Variants in TTN observed in about 807,000 individuals in gnomAD.
The protein encoded by TTN is connectin.
In TTN, 1,525 loss-of-function variants were observed where a neutral mutation model predicts 3,223.0. The observed-to-expected ratio is 0.47, with a 90% confidence interval of 0.45 to 0.49. TTN has a LOEUF of 0.49. TTN is among the 20% of genes least tolerant of loss of function. TTN has a pLI of 0.00. For missense variants in TTN, 40,786 were observed against 43,424.0 expected, an observed-to-expected ratio of 0.94 and a Z score of 5.40; for synonymous variants, 14,094 against 15,161.0, an observed-to-expected ratio of 0.93 and a Z score of 5.17.
Position 178,721,056 on chromosome 2 carries a change from A to T in TTN, c.22963T>A (p.Tyr7655Asn). Residue 7655 changes from tyrosine (Y) to asparagine (N), a missense_variant, in exon 79 of 363, where the codon TAC (tyrosine) becomes AAC (asparagine). Tyr to Asn is a moderately radical substitution (Grantham distance 143). Transcript: ENST00000589042. ...NDSELHESWK[Y>N]NMSFINSVAL... is the part of the protein sequence containing the mutation. ...ACAGAATTAATGAATGACATGTTGT[A>T]TTTCCAACTTTCATGAAGTTCGCTG... The T allele has an allele frequency of 1.2e-6, 2 of 1,613,344 alleles. No homozygotes were observed. Among genetic ancestry groups the T allele is most frequent in the Non-Finnish European group, 1.7e-6 (2 of 1,179,394 alleles).
At position 178,549,702 on chromosome 2, in the gene TTN, A is replaced by G. The variant is rs758335817; in HGVS notation, c.92020T>C (p.Cys30674Arg). Residue 30674 changes from cysteine to arginine, a missense_variant, in exon 338 of 363, where the codon TGT becomes CGT. Coordinates refer to ENST00000589042, the MANE Select transcript of TTN (RefSeq NM_001267550.2). ...ATGGCAGTGTAACTTTGGGCTTCAC[A>G]TTTATCCTCAATTAGTGCCCAGGCA... is the stretch of plus-strand genomic sequence containing the variant. ...RLAWALIEDKCEAQSYTAIKL... is the reference protein window; with the variant it reads ...RLAWALIEDKREAQSYTAIKL... 3 of 1,613,618 alleles carry G rather than the reference A, an allele frequency of 1.9e-6. No homozygotes were observed. The highest frequency in any genetic ancestry group is 1.7e-5 in the Admixed American group (1 of 59,984).
chr2:178,646,419 A>T (rs1227101025), intron 216 of TTN, 66 bp downstream of exon 216: 4 of 1,130,296 alleles, frequency 3.5e-6, no homozygotes, highest in Non-Finnish European at 5.2e-6. Flanking sequence ...GTACAACAAC[A>T]TAAACCATAT....
In TTN at chr2:178,794,415, T is replaced by A. The variant is rs1461182568; in HGVS notation, c.1382A>T (p.Gln461Leu). ...QRTTTTAVHIQPAQEQVRKEA... is the reference protein window; with the variant it reads ...QRTTTTAVHILPAQEQVRKEA... ...CGCACGTACCTGTTCTTGAGCAGGTTGGATGTGCACAGCAGTCGTGGTTGT... is the reference window on the plus strand; with the variant it reads ...CGCACGTACCTGTTCTTGAGCAGGTAGGATGTGCACAGCAGTCGTGGTTGT... Residue 461 changes from glutamine to leucine, a missense_variant, in exon 8 of 363, where the codon CAA becomes CTA. Transcript: ENST00000589042. 3.7e-6 allele frequency: 6 copies of A among 1,614,058 alleles called. No homozygotes were observed. In the South Asian group the frequency reaches 6.6e-5, roughly 18 times the overall value.
At chr2:178,554,422 G>GGA (rs1391753391) in intron 332 of TTN, 31 bp downstream of exon 332, 1 of 1,597,522 alleles carries the variant, frequency 6.3e-7, no homozygotes, top group African/African-American at 1.3e-5. Flanking sequence ...AATTTTTCAC[G>GGA]TTTCAGTTTT....
intron 70 of TTN, 54 bp downstream of exon 70, chr2:178,725,714 A>G: frequency 6.5e-7 from 1 of 1,548,730 alleles, no homozygotes; most frequent in Non-Finnish European, 8.7e-7. Context: ...GAGTGAAAAA[A>G]GTAGGATTTT....
At position 178,631,294 on chromosome 2, in the gene TTN, T is replaced by C; in HGVS notation, c.43754A>G (p.Asp14585Gly). The C allele has an allele frequency of 6.2e-7, 1 of 1,606,582 alleles. No homozygotes were observed. Among genetic ancestry groups the C allele is most frequent in the Non-Finnish European group, 8.5e-7 (1 of 1,177,596 alleles). Residue 14585 changes from aspartate (D) to glycine (G), a missense_variant, in exon 237 of 363, where the codon GAC becomes GGC. Physicochemically the swap from Asp to Gly is moderately conservative, Grantham distance 94 (BLOSUM62 -1). Coordinates refer to ENST00000589042, the MANE Select transcript of TTN (RefSeq NM_001267550.2). ...TTGAAGTTTTCCTGTAAAATATGGG[T>C]CTCCCTCTGCAAGTAAAGTATAAGT... ...SEAKLTVLEGDPYFTGKLQDY... is the reference protein window; with the variant it reads ...SEAKLTVLEGGPYFTGKLQDY...
intron 48 of TTN, 61 bp downstream of exon 48, chr2:178,739,080 G>C: frequency 2.7e-6 from 4 of 1,461,834 alleles, no homozygotes; most frequent in Non-Finnish European, 3.6e-6. Flanking sequence ...AGTGATGCAA[G>C]CTAAATCATT....
At position 178,590,791 on chromosome 2, in the gene TTN, C is replaced by T. The variant is rs759127797; in HGVS notation, c.60934G>A (p.Glu20312Lys). The T allele has an allele frequency of 4.4e-6, 7 of 1,607,180 alleles. No homozygotes were observed. The highest frequency in any genetic ancestry group is 2.7e-5 in the African/African-American group (2 of 74,788). Residue 20312 changes from glutamate (E) to lysine (K), a missense_variant, in exon 304 of 363, where the codon GAA (glutamate) becomes AAA (lysine). Transcript: ENST00000589042. ...PITGYYMERR[E>K]VTGKWVRVNK... ...ACCCTCACCCATTTGCCAGTTACTT[C>T]TCGACGTTCCATATAGTAGCCAGTT...
intron 47 of TTN, chr2:178,750,520 A>G: frequency 6.2e-7 from 1 of 1,612,732 alleles, no homozygotes; most frequent in Admixed American, 1.7e-5. Context: ...CAAAATTACA[A>G]CTGTCACCTT....
Position 178,680,450 on chromosome 2 carries a change from C to T in TTN, c.33341-119G>A, listed in dbSNP as rs144376839. ...ATCTTCCTTTAATGAGATACATATG[C>T]GATTGTTCATCTTTAAGAAACTATA... is the stretch of plus-strand genomic sequence containing the variant. On this transcript the variant is annotated intron_variant, in intron 138 of 362. Transcript: ENST00000589042. 1,424 of 811,846 alleles carry T rather than the reference C, an allele frequency of 1.8e-3. 13 individuals are homozygous for T. The highest frequency in any genetic ancestry group is 6.8e-3 in the South Asian group (429 of 63,412). 50.3% of individuals were successfully genotyped at this position (811,846 alleles called of 1,614,324 possible).
chr2:178,600,897 C>T lies in TTN; in HGVS notation c.56007G>A (p.Lys18669=). The T allele has an allele frequency of 6.2e-7, 1 of 1,612,890 alleles. No homozygotes were observed. The change falls in exon 288 of 363, where the codon AAG becomes AAA. Residue 18669 remains lysine, a synonymous_variant. Coordinates refer to ENST00000589042, the MANE Select transcript of TTN (RefSeq NM_001267550.2). ...VKAVNAAGVS[K]PSATVGPVTV... ...TCACAGGGCCAACAGTGGCTGAAGG[C>T]TTGCTGACTCCTGCAGCATTGACAG...
intron 46 of TTN, among the ~76,000 whole-genome samples, chr2:178,754,198 G>T (rs1221696556): frequency 1.3e-5 from 2 of 151,946 alleles, no homozygotes; most frequent in African/African-American, 4.8e-5. Context: ...AAGACTTCCA[G>T]GGGTTTGACA....
rs1023194746 is a variant in TTN at position 178,646,406 on chromosome 2, T to C, written c.40297+79A>G. ...TACAAATGGGAACAGACATACTACA[T>C]ATGTACAACAACATAAACCATATAC... On this transcript the variant is annotated intron_variant, in intron 216 of 362. Transcript: ENST00000589042. 8 of 968,960 alleles carry C rather than the reference T, an allele frequency of 8.3e-6. No individual in the cohort carries two copies. The African/African-American group carries it at 1.2e-4, about 14-fold the overall frequency. The allele number at this position is 968,960 out of a possible 1,614,324, so 60.0% of individuals were successfully genotyped here.
rs781046518 is a variant in TTN at position 178,571,943 on chromosome 2, C to T, written c.74189G>A (p.Gly24730Asp). 6.8e-6 allele frequency: 11 copies of T among 1,613,112 alleles called. No individual in the cohort carries two copies. The highest frequency in any genetic ancestry group is 6.7e-5 in the Admixed American group (4 of 59,952). Residue 24730 changes from glycine (G) to aspartate (D), a missense_variant, in exon 326 of 363, where the codon GGT becomes GAT. By Grantham distance (94) the Gly-to-Asp change is moderately conservative. Transcript: ENST00000589042. Reference sequence around the variant, plus strand: ...TGGAACATCAACTTTTAGGTCTTCACCTGCCAGTACAGTGAAAGTATTGAA... The same window carrying T: ...TGGAACATCAACTTTTAGGTCTTCATCTGCCAGTACAGTGAAAGTATTGAA... ...LLFNTFTVLA[G>D]EDLKVDVPFI...
At chr2:178,629,794 G>A (rs1259741110) in intron 239 of TTN, among the ~76,000 whole-genome samples, 1 of 152,068 alleles carries the variant, frequency 6.6e-6, no homozygotes, top group Non-Finnish European at 1.5e-5. Flanking sequence ...TCAATCAGAG[G>A]CTGTCCCTAT....
chr2:178,642,668 A>G (rs1231014529), intron 218 of TTN, among the ~76,000 whole-genome samples: 1 of 151,982 alleles, frequency 6.6e-6, no homozygotes, highest in African/African-American at 2.4e-5. Context: ...GTCCAAATCT[A>G]CGATGTTATC....
In TTN at chr2:178,775,861, G is replaced by C. The variant is rs1483448799; in HGVS notation, c.6003C>G (p.Phe2001Leu). 8.1e-6 allele frequency: 13 copies of C among 1,614,096 alleles called. No individual in the cohort carries two copies. The Middle Eastern group carries it at 4.9e-4, about 61-fold the overall frequency. The change falls in exon 28 of 363, where the codon TTC (phenylalanine) becomes TTG (leucine). Residue 2001 changes from phenylalanine (F) to leucine (L), a missense_variant. Transcript: ENST00000589042. ...AATAGCCCTCTTCTGTTCTGCGCTT[G>C]AATTTACTGCGCAGCTCTTCCGACT... Reference protein sequence around the residue: ...PEESEELRSKFKRRTEEGYYE... With the variant: ...PEESEELRSKLKRRTEEGYYE...
chr2:178,543,171 T>G lies in TTN; in HGVS notation c.96802A>C (p.Asn32268His). Reference sequence around the variant, plus strand: ...CTAAATAAGTATTGTTCACCTTCATTTAAGGAAGTAACAGTGTGCTCTAGG... The same window carrying G: ...CTAAATAAGTATTGTTCACCTTCATGTAAGGAAGTAACAGTGTGCTCTAGG... ...TVLEHTVTSL[N>H]EGEQYLFRIR... Residue 32268 changes from asparagine (N) to histidine (H), a missense_variant, in exon 347 of 363, where the codon AAT (asparagine) becomes CAT (histidine). Asn to His is a moderately conservative substitution (Grantham distance 68). Transcript: ENST00000589042. The G allele has an allele frequency of 1.2e-6, 2 of 1,613,510 alleles. No homozygotes were observed. Among genetic ancestry groups the G allele is most frequent in the Non-Finnish European group, 1.7e-6 (2 of 1,179,592 alleles).
Position 178,566,171 on chromosome 2 carries a change from TCA to T in TTN, c.79959_79960del (p.Cys26653Ter). The T allele has an allele frequency of 6.2e-7, 1 of 1,613,732 alleles. No individual in the cohort carries two copies. Among genetic ancestry groups the T allele is most frequent in the Non-Finnish European group, 8.5e-7 (1 of 1,179,712 alleles). ...AATGTATTTTCCAGCATCATTTCTA[TCA>T]CAGTTATCTATTGATAGTTGGGTAT... On this transcript the variant is annotated stop_gained and frameshift_variant, in exon 326 of 363. Transcript: ENST00000589042. LOFTEE classifies it high-confidence loss of function.
Sources: gnomAD v4.1 joint callset for allele counts (sites outside exome capture counted in the v4.1 genomes callset) on GRCh38, gnomAD v4.1.1 for gene constraint, MANE v1.5 for transcripts, NCBI Gene and HGNC (gene_info 2026-07-23, HGNC 2026-07-21) for gene names.